FAM53B: variants seen among roughly 807,000 people sequenced by gnomAD.
FAM53B encodes protein FAM53B.
In FAM53B, 12 loss-of-function variants were observed where a neutral mutation model predicts 32.7. The ratio of observed to expected loss-of-function variants is 0.37; its 90% CI spans 0.24 to 0.59. FAM53B has a LOEUF of 0.59. Ranked by LOEUF, FAM53B falls within the 20% of genes least tolerant of loss-of-function variation. FAM53B has a pLI of 0.72. For missense variants in FAM53B, 477 were observed against 577.7 expected (o/e 0.83, Z 1.79); for synonymous variants, 234 against 228.7 (o/e 1.02, Z -0.21).
intron 4 of FAM53B, among the ~76,000 whole-genome samples, chr10:124,644,562 C>G (rs1949499148): frequency 6.6e-6 from 1 of 152,192 alleles, no homozygotes; most frequent in Admixed American, 6.5e-5. Flanking sequence ...ACTCAGCAAC[C>G]CTTCTCCAAA....
chr10:124,659,489 C>T (rs959331172), intron 4 of FAM53B, among the ~76,000 whole-genome samples: 16 of 152,242 alleles, frequency 1.1e-4, no homozygotes, highest in Non-Finnish European at 1.9e-4. Flanking sequence ...ATGCTCCAGC[C>T]CACGCAACAG....
chr10:124,650,429 CGGTGGTTAT>C (rs1230978738), intron 4 of FAM53B, among the ~76,000 whole-genome samples: 1 of 152,172 alleles, frequency 6.6e-6, no homozygotes, highest in African/African-American at 2.4e-5. Context: ...CTGAAAGTAA[CGGTGGTTAT>C]GGTGATGATG....
chr10:124,652,293 CGT>C (rs1273121490), intron 4 of FAM53B, among the ~76,000 whole-genome samples: 1 of 152,194 alleles, frequency 6.6e-6, no homozygotes, highest in Non-Finnish European at 1.5e-5. Context: ...GTGCACAATA[CGT>C]TCACATCCAG....
intron 4 of FAM53B, among the ~76,000 whole-genome samples, chr10:124,631,291 T>G (rs1399275430): frequency 1.3e-5 from 2 of 152,184 alleles, no homozygotes; most frequent in African/African-American, 4.8e-5. Context: ...GAAAATTACC[T>G]ATGGCCTCCG....
In FAM53B at chr10:124,654,831, G is replaced by T. The variant is rs577347669; in HGVS notation, c.906+26776C>A. On this transcript the variant is annotated intron_variant, in intron 4 of 4. Transcript: ENST00000337318. ...GCCCCTTCCAGAAGGAGGTAAGGAG[G>T]CCCCGGCGTGCCTCTGCTCGCCCTG... 8.5e-5 allele frequency among the ~76,000 whole-genome samples: 13 copies of T among 152,290 alleles called. No homozygotes were observed. The East Asian group carries it at 1.7e-3, about 20-fold the overall frequency.
At chr10:124,663,472 G>C (rs1949646746) in intron 4 of FAM53B, among the ~76,000 whole-genome samples, 1 of 152,234 alleles carries the variant, frequency 6.6e-6, no homozygotes, top group African/African-American at 2.4e-5. Flanking sequence ...AGCTGCAAGA[G>C]GAGCCAGAGG....
intron 1 of FAM53B, among the ~76,000 whole-genome samples, chr10:124,730,932 G>T (rs948376787): frequency 6.6e-6 from 1 of 152,188 alleles, no homozygotes; most frequent in Non-Finnish European, 1.5e-5. Context: ...CTGCTGTGGT[G>T]TGAAGGTAGC....
intron 2 of FAM53B, among the ~76,000 whole-genome samples, chr10:124,697,823 C>G (rs1321931813): frequency 6.6e-6 from 1 of 152,142 alleles, no homozygotes; most frequent in African/African-American, 2.4e-5. Context: ...TCATCAGGCT[C>G]AGTCACCCTC....
intron 4 of FAM53B, among the ~76,000 whole-genome samples, chr10:124,673,618 C>T (rs957983186): frequency 1.3e-5 from 2 of 152,206 alleles, no homozygotes; most frequent in Non-Finnish European, 2.9e-5. Flanking sequence ...TCAGGCCCTT[C>T]CTAATCCAGG....
chr10:124,686,709 G>A (rs1400894820), intron 3 of FAM53B, among the ~76,000 whole-genome samples: 3 of 152,234 alleles, frequency 2.0e-5, no homozygotes, highest in Non-Finnish European at 2.9e-5. Flanking sequence ...ACAGAGCAGG[G>A]CACACAGCAG....
At chr10:124,714,728 C>T (rs1950028332) in intron 1 of FAM53B, among the ~76,000 whole-genome samples, 1 of 138,598 alleles carries the variant, frequency 7.2e-6, no homozygotes, top group African/African-American at 2.8e-5. Flanking sequence ...CACTGCACTC[C>T]AGCCTGGGTG....
At chr10:124,697,969 C>T (rs11245335) in intron 2 of FAM53B, among the ~76,000 whole-genome samples, 4 of 152,312 alleles carry the variant, frequency 2.6e-5, no homozygotes, top group Admixed American at 1.3e-4. Flanking sequence ...GAGAACACAC[C>T]GAAGTCATCC....
intron 4 of FAM53B, among the ~76,000 whole-genome samples, chr10:124,647,110 C>T (rs918950701): frequency 6.6e-6 from 1 of 152,212 alleles, no homozygotes; most frequent in Non-Finnish European, 1.5e-5. Context: ...AAGGGATGCA[C>T]AGCGAGGCAT....
chr10:124,635,839 A>AG (rs1554902786), intron 4 of FAM53B, among the ~76,000 whole-genome samples: 1 of 152,238 alleles, frequency 6.6e-6, no homozygotes, highest in Non-Finnish European at 1.5e-5. Flanking sequence ...GCCAAAAAAA[A>AG]GGGCATGAGA....
chr10:124,626,777 C>T (rs1047251694), intron 4 of FAM53B, among the ~76,000 whole-genome samples: 8 of 152,240 alleles, frequency 5.3e-5, no homozygotes, highest in Admixed American at 5.2e-4. Context: ...TTTTGCCTCA[C>T]TGCGCCCTGG....
At chr10:124,641,238 CAA>C (rs1949470377) in intron 4 of FAM53B, among the ~76,000 whole-genome samples, 1 of 152,252 alleles carries the variant, frequency 6.6e-6, no homozygotes, top group Non-Finnish European at 1.5e-5. Flanking sequence ...GGATTCACTT[CAA>C]CATGTTGCAG....
At chr10:124,691,057 C>A (rs1949829796) in intron 3 of FAM53B, among the ~76,000 whole-genome samples, 1 of 152,130 alleles carries the variant, frequency 6.6e-6, no homozygotes, top group South Asian at 2.1e-4. Context: ...GCTCTGAGGG[C>A]CACGCTTTTC....
At position 124,681,931 on chromosome 10, in the gene FAM53B, G is replaced by A; in HGVS notation, c.582C>T (p.Pro194=). ...AGLHHRFGGQ[P]CQGVPGSAPC... ...GGGCTGAGCCTGGCACCCCTTGGCA[G>A]GGCTGCCCTCCAAATCGGTGGTGGA... Residue 194 remains proline, a synonymous_variant, in exon 4 of 5, where the codon CCC becomes CCT. Coordinates refer to ENST00000337318, the MANE Select transcript of FAM53B (RefSeq NM_014661.4). The A allele has an allele frequency of 6.2e-7, 1 of 1,614,044 alleles. No homozygotes were observed. The highest frequency in any genetic ancestry group is 8.5e-7 in the Non-Finnish European group (1 of 1,180,002).
At chr10:124,719,260 G>C (rs1489964032) in intron 1 of FAM53B, among the ~76,000 whole-genome samples, 1 of 151,966 alleles carries the variant, frequency 6.6e-6, no homozygotes, top group Non-Finnish European at 1.5e-5. Flanking sequence ...GAGAAGAAAG[G>C]GGCACCTCAT....
Sources: gnomAD v4.1 joint callset for allele counts (sites outside exome capture counted in the v4.1 genomes callset) on GRCh38, gnomAD v4.1.1 for gene constraint, MANE v1.5 for transcripts, NCBI Gene and HGNC (gene_info 2026-07-23, HGNC 2026-07-21) for gene names.